Variants in SLC4A4 observed in about 807,000 individuals in gnomAD.
SLC4A4 encodes the protein solute carrier family 4 member 4.
A neutral mutation model predicts 111.5 loss-of-function variants in SLC4A4; 27 were observed. The observed-to-expected ratio is 0.24, with a 90% CI of 0.18 to 0.33. The LOEUF is 0.33. SLC4A4 is among the 10% of genes least tolerant of loss of function. The pLI is 1.00. For missense variants in SLC4A4, 909 were observed against 1,315.5 expected (o/e 0.69, Z 4.78); for synonymous variants, 443 against 463.4 (o/e 0.96, Z 0.57).
chr4:71,538,683 G>A (rs554752836), intron 18 of SLC4A4, among the ~76,000 whole-genome samples: 46 of 152,152 alleles, frequency 3.0e-4, no homozygotes, highest in Non-Finnish European at 6.0e-4. Flanking sequence ...TTTTTGGGTG[G>A]CATTTGCTTT....
chr4:71,333,824 A>G (rs1474824049), intron 3 of SLC4A4, among the ~76,000 whole-genome samples: 1 of 152,046 alleles, frequency 6.6e-6, no homozygotes, highest in Non-Finnish European at 1.5e-5. Flanking sequence ...GTGCCTGGCT[A>G]CTGCTGATGT....
intron 1 of SLC4A4, among the ~76,000 whole-genome samples, chr4:71,194,211 C>A (rs1255943887): frequency 6.6e-6 from 1 of 152,082 alleles, no homozygotes; most frequent in East Asian, 1.9e-4. Context: ...AATTATAAAA[C>A]CTCATTCACA....
chr4:71,163,833 T>C (rs184367070), intron 2 of SLC4A4, among the ~76,000 whole-genome samples: 5 of 152,346 alleles, frequency 3.3e-5, no homozygotes, highest in Admixed American at 2.6e-4. Context: ...ACATTTACTA[T>C]CTGACTCTTT....
chr4:71,400,238 T>C (rs1720234818), intron 7 of SLC4A4, among the ~76,000 whole-genome samples: 1 of 152,224 alleles, frequency 6.6e-6, no homozygotes, highest in Non-Finnish European at 1.5e-5. Flanking sequence ...TATTGGGTCT[T>C]TTCATATCTG....
At chr4:71,222,157 A>G (rs1351640489) in intron 1 of SLC4A4, among the ~76,000 whole-genome samples, 1 of 152,178 alleles carries the variant, frequency 6.6e-6, no homozygotes, top group Non-Finnish European at 1.5e-5. Context: ...GACCCAAAGC[A>G]GCCTGCCTCT....
chr4:71,418,405 A>T lies in SLC4A4; in HGVS notation c.807+20752A>T, dbSNP rs547407620. Among the ~76,000 whole-genome samples, 7 of 152,326 alleles carry T rather than the reference A, an allele frequency of 4.6e-5. No individual in the cohort carries two copies. In the South Asian group the frequency reaches 1.5e-3, roughly 32 times the overall value. ...AACATGTCACCAGAGCCTTTTGGCAACTTGTCTTATTTAATGATTTTGTCT... is the reference window on the plus strand; with the variant it reads ...AACATGTCACCAGAGCCTTTTGGCATCTTGTCTTATTTAATGATTTTGTCT... On this transcript the variant is annotated intron_variant, in intron 7 of 25. Transcript: ENST00000264485.
chr4:71,281,097 C>T (rs965866257), intron 3 of SLC4A4, among the ~76,000 whole-genome samples: 3 of 152,096 alleles, frequency 2.0e-5, no homozygotes, highest in Non-Finnish European at 4.4e-5. Context: ...AGCAGGTATC[C>T]AAGAGGTAGC....
chr4:71,380,401 A>G (rs1718008214), intron 6 of SLC4A4, among the ~76,000 whole-genome samples: 1 of 152,194 alleles, frequency 6.6e-6, no homozygotes, highest in Non-Finnish European at 1.5e-5. Flanking sequence ...ATTCACCAAT[A>G]TTCCAGGTCT....
At position 71,143,694 on chromosome 4, in the gene SLC4A4, G is replaced by T. The variant is rs1319147609; in HGVS notation, c.-2+50902G>T. ...TGGTTTTGATTTGCATTTCTCTGAT[G>T]GCCAGTGATGATAGCATTTTACTGT... On this transcript the variant is annotated intron_variant, in intron 2 of 26. Coordinates refer to the SLC4A4 transcript ENST00000649996. 2.0e-5 allele frequency among the ~76,000 whole-genome samples: 3 copies of T among 152,178 alleles called. 1 individual carries two copies. The highest frequency in any genetic ancestry group is 4.4e-5 in the Non-Finnish European group (3 of 68,038).
intron 2 of SLC4A4, among the ~76,000 whole-genome samples, chr4:71,120,554 T>G (rs552975350): frequency 6.3e-4 from 96 of 152,302 alleles, no homozygotes; most frequent in South Asian, 1.2e-3. Flanking sequence ...TATCTTGGGA[T>G]CTTTTTGATG....
chr4:71,491,296 T>C (rs1443371666), intron 15 of SLC4A4, among the ~76,000 whole-genome samples: 2 of 151,858 alleles, frequency 1.3e-5, no homozygotes, highest in Non-Finnish European at 1.5e-5. Context: ...GTGGTATCAC[T>C]CTCATTTATA....
intron 1 of SLC4A4, among the ~76,000 whole-genome samples, chr4:71,067,360 G>A (rs1269221998): frequency 6.6e-6 from 1 of 152,050 alleles, no homozygotes; most frequent in Non-Finnish European, 1.5e-5. Flanking sequence ...TCTTAAAAAT[G>A]TTAGATTTAA....
intron 14 of SLC4A4, among the ~76,000 whole-genome samples, chr4:71,475,437 A>G (rs774341739): frequency 6.6e-6 from 1 of 151,900 alleles, no homozygotes; most frequent in East Asian, 1.9e-4. Context: ...AGTGACGTTA[A>G]GGGTGGAATC....
chr4:71,317,576 G>A (rs991883518), intron 3 of SLC4A4, among the ~76,000 whole-genome samples: 11 of 151,974 alleles, frequency 7.2e-5, no homozygotes, highest in Non-Finnish European at 1.2e-4. Context: ...AGAAAAACAA[G>A]CATTGTTATT....
intron 7 of SLC4A4, among the ~76,000 whole-genome samples, chr4:71,439,498 C>T (rs1422288158): frequency 2.2e-5 from 3 of 137,348 alleles, no homozygotes; most frequent in African/African-American, 8.0e-5. Flanking sequence ...GCACCTCCAT[C>T]TTGCCAAATT....
At chr4:71,497,448 G>A in intron 15 of SLC4A4, 53 bp from the exon 16 acceptor site, 5 of 1,467,204 alleles carry the variant, frequency 3.4e-6, no homozygotes, top group Non-Finnish European at 4.7e-6. Flanking sequence ...ATCAAAGGCT[G>A]CTTTTTATAT....
intron 3 of SLC4A4, among the ~76,000 whole-genome samples, chr4:71,313,853 GCATGGGCAAAGATTT>G (rs1338811226): frequency 6.6e-6 from 1 of 152,144 alleles, no homozygotes; most frequent in Admixed American, 6.5e-5. Context: ...CAGGACATAG[GCATGGGCAAAGATTT>G]CATGAGTAAA....
intron 1 of SLC4A4, among the ~76,000 whole-genome samples, chr4:71,224,133 TTCCC>T: frequency 6.6e-6 from 1 of 150,382 alleles, no homozygotes; most frequent in African/African-American, 2.5e-5. Flanking sequence ...TCCATAGCCG[TTCCC>T]TAAGTCCCGT....
At chr4:71,229,949 G>A (rs920731678) in intron 1 of SLC4A4, among the ~76,000 whole-genome samples, 6 of 151,384 alleles carry the variant, frequency 4.0e-5, no homozygotes, top group Admixed American at 6.6e-5. Context: ...CACTGAGATC[G>A]CTCTTCCCTG....
Sources: gnomAD v4.1 joint callset for allele counts (sites outside exome capture counted in the v4.1 genomes callset) on GRCh38, gnomAD v4.1.1 for gene constraint, MANE v1.5 for transcripts, NCBI Gene and HGNC (gene_info 2026-07-23, HGNC 2026-07-21) for gene names.